The following MBTPS1 variants were observed in gnomAD, a reference collection of about 807,000 sequenced individuals.
MBTPS1 encodes the protein membrane bound transcription factor peptidase, site 1.
MBTPS1 carries 94 observed loss-of-function variants against 127.8 expected under a neutral mutation model. The observed-to-expected ratio is 0.74, with a 90% CI of 0.62 to 0.87. MBTPS1 has a LOEUF of 0.87. Among genes scored for constraint, MBTPS1 ranks in the 40% least tolerant of loss-of-function variants. The pLI is 0.00. For synonymous variants in MBTPS1, 632 were observed against 509.4 expected (o/e 1.24, Z -3.24); for missense variants, 1,636 against 1,353.2 (o/e 1.21, Z -3.28).
intron 1 of MBTPS1, among the ~76,000 whole-genome samples, chr16:84,115,004 C>G (rs1293396710): frequency 1.3e-5 from 2 of 151,750 alleles, no homozygotes; most frequent in African/African-American, 2.4e-5. Context: ...TCTTGGCTCA[C>G]TACAACCTCT....
At chr16:84,093,614 G>T in intron 5 of MBTPS1, 97 bp downstream of exon 5, 1 of 891,964 alleles carries the variant, frequency 1.1e-6, no homozygotes. Context: ...AACACCTTGG[G>T]CTTGTCTGAA....
chr16:84,067,581 C>T (rs1276462890), intron 16 of MBTPS1, 86 bp downstream of exon 16: 2 of 1,094,172 alleles, frequency 1.8e-6, no homozygotes, highest in East Asian at 2.4e-5. Flanking sequence ...AGACCACCAA[C>T]AGGTCAAATC....
intron 11 of MBTPS1, 166 bp from the exon 12 acceptor site, chr16:84,074,907 A>C (rs1361262312): frequency 3.5e-6 from 2 of 568,054 alleles, no homozygotes; most frequent in Non-Finnish European, 6.2e-6. Flanking sequence ...ATGCTCCTGC[A>C]CAGATAAGGC....
intron 14 of MBTPS1, among the ~76,000 whole-genome samples, chr16:84,068,776 A>G (rs1285408890): frequency 6.6e-6 from 1 of 152,254 alleles, no homozygotes; most frequent in African/African-American, 2.4e-5. Flanking sequence ...GCTGGCAACC[A>G]TCTGTGTCTG....
chr16:84,107,543 A>T (rs1321156185), intron 1 of MBTPS1, among the ~76,000 whole-genome samples: 2 of 152,190 alleles, frequency 1.3e-5, no homozygotes, highest in African/African-American at 4.8e-5. Context: ...ACAGATCCTG[A>T]GGTTTCTATA....
At position 84,114,723 on chromosome 16, in the gene MBTPS1, G is replaced by C. The variant is rs536845494; in HGVS notation, c.-325+2012C>G. On this transcript the variant is annotated intron_variant, in intron 1 of 22. Coordinates refer to ENST00000343411, the MANE Select transcript of MBTPS1 (RefSeq NM_003791.4). ...CGGGCACCTGCAGTCCCGGCTACTCGGGAGGCTGAGGCAGGAGAATCGCTT... is the reference window on the plus strand; with the variant it reads ...CGGGCACCTGCAGTCCCGGCTACTCCGGAGGCTGAGGCAGGAGAATCGCTT... Among the ~76,000 whole-genome samples, 612 of 150,618 alleles carry C rather than the reference G, an allele frequency of 4.1e-3. 4 individuals are homozygous for C. Among genetic ancestry groups the C allele is most frequent in the African/African-American group, 0.014 (591 of 40,806 alleles).
chr16:84,089,748 TGCTGGAAGA>T (rs1192559144), intron 8 of MBTPS1, among the ~76,000 whole-genome samples: 1 of 152,186 alleles, frequency 6.6e-6, no homozygotes, highest in African/African-American at 2.4e-5. Context: ...CCCATGTCCA[TGCTGGAAGA>T]GCTGGGGTGG....
intron 13 of MBTPS1, 85 bp from the exon 14 acceptor site, chr16:84,070,123 A>G (rs998296408): frequency 3.5e-6 from 4 of 1,147,862 alleles, no homozygotes; most frequent in South Asian, 1.6e-5. Flanking sequence ...CTATTTATCA[A>G]CTTAACCTAA....
chr16:84,100,045 A>G (rs1291819692), intron 2 of MBTPS1, among the ~76,000 whole-genome samples: 10 of 152,208 alleles, frequency 6.6e-5, no homozygotes, highest in African/African-American at 1.7e-4. Context: ...TGGTCACTCA[A>G]ACTTTAGAAC....
At position 84,066,710 on chromosome 16, in the gene MBTPS1, CA is replaced by C. The variant is rs1597310172; in HGVS notation, c.2229-98del. ...TGACAAAACTCAATTTCTCCTGCCA[CA>C]ATCCAGTCCTTCCACACTAAGGCTT... On this transcript the variant is annotated intron_variant, in intron 16 of 22. Coordinates refer to ENST00000343411, the MANE Select transcript of MBTPS1 (RefSeq NM_003791.4). 6 of 1,224,556 alleles carry C rather than the reference CA, an allele frequency of 4.9e-6. No homozygotes were observed. The East Asian group carries it at 1.5e-4, about 31-fold the overall frequency. The allele number at this position is 1,224,556 out of a possible 1,614,324, so 75.9% of individuals were successfully genotyped here.
At chr16:84,087,612 A>T in intron 8 of MBTPS1, 152 bp from the exon 9 acceptor site, 1 of 604,594 alleles carries the variant, frequency 1.7e-6, no homozygotes, top group Non-Finnish European at 2.9e-6. Context: ...GCAGCTCCTC[A>T]CGGCTGTCCT....
At chr16:84,104,793 G>A (rs150734739) in intron 1 of MBTPS1, among the ~76,000 whole-genome samples, 63 of 152,180 alleles carry the variant, frequency 4.1e-4, no homozygotes, top group African/African-American at 1.5e-3. Flanking sequence ...AAGGCCAGGC[G>A]CGGTGGCTCA....
intron 10 of MBTPS1, among the ~76,000 whole-genome samples, chr16:84,084,238 G>GT (rs2085985638): frequency 6.6e-6 from 1 of 152,210 alleles, no homozygotes; most frequent in South Asian, 2.1e-4. Context: ...GATTACAGGT[G>GT]TGAGCCACCG....
intron 20 of MBTPS1, 183 bp from the exon 21 acceptor site, chr16:84,059,611 ATG>A: frequency 2.0e-6 from 1 of 511,718 alleles, no homozygotes; most frequent in South Asian, 2.4e-5. Context: ...CTCCCGGACA[ATG>A]TGTGTTTCCA....
In MBTPS1 at chr16:84,099,299, C is replaced by T. The variant is rs1014761033; in HGVS notation, c.175G>A (p.Ala59Thr). 2 of 1,613,620 alleles carry T rather than the reference C, an allele frequency of 1.2e-6. No homozygotes were observed. The highest frequency in any genetic ancestry group is 1.7e-6 in the Non-Finnish European group (2 of 1,179,942). ...STVVEYEYIVAFNGYFTAKAR... is the reference protein window; with the variant it reads ...STVVEYEYIVTFNGYFTAKAR... ...TTGGCTGTAAAGTATCCATTGAAAG[C>T]CACAATATATTCTGAAACCAATCAC... The change falls in exon 3 of 23, where the codon GCT becomes ACT. Residue 59 changes from alanine to threonine, a missense_variant. Transcript: ENST00000343411.
Position 84,063,434 on chromosome 16 carries a change from A to C in MBTPS1, c.2443T>G (p.Leu815Val). 6.2e-7 allele frequency: 1 copy of C among 1,614,122 alleles called. No homozygotes were observed. The highest frequency in any genetic ancestry group is 8.5e-7 in the Non-Finnish European group (1 of 1,179,962). Residue 815 changes from leucine (L) to valine (V), a missense_variant, in exon 19 of 23, where the codon TTA becomes GTA. Coordinates refer to ENST00000343411, the MANE Select transcript of MBTPS1 (RefSeq NM_003791.4). ...TCAACAACTGCTGTTTCCTGCTTTA[A>C]AACCTCCAATCCTGAAACAACACAA... ...QTFKDQGLEV[L>V]KQETAVVENV...
intron 14 of MBTPS1, among the ~76,000 whole-genome samples, chr16:84,069,113 T>C (rs28371946): frequency 0.21 from 31,831 of 152,160 alleles, 3,522 homozygotes; most frequent in African/African-American, 0.23. Flanking sequence ...AGACATCTTA[T>C]TTTAAAAGGC....
chr16:84,109,205 A>T (rs1359760218), intron 1 of MBTPS1, among the ~76,000 whole-genome samples: 1 of 152,212 alleles, frequency 6.6e-6, no homozygotes, highest in Admixed American at 6.5e-5. Context: ...TCACTCAATG[A>T]GGAAAGGCTC....
intron 19 of MBTPS1, 70 bp from the exon 20 acceptor site, chr16:84,060,883 C>T: frequency 1.4e-6 from 2 of 1,460,374 alleles, no homozygotes; most frequent in Admixed American, 2.1e-5. Context: ...TCTTGTCACC[C>T]AGTGCAGTGG....
Sources: allele counts gnomAD v4.1 joint callset (sites outside exome capture counted in the v4.1 genomes callset), GRCh38; gene constraint gnomAD v4.1.1; transcripts MANE v1.5; gene names NCBI Gene and HGNC (gene_info 2026-07-23, HGNC 2026-07-21).